ATG4B: variants seen among roughly 807,000 people sequenced by gnomAD.
ATG4B encodes autophagy related 4B cysteine peptidase, also known as cysteine protease ATG4B.
A neutral mutation model predicts 56.6 loss-of-function variants in ATG4B; 29 were observed. That is an observed-to-expected ratio of 0.51 (90% CI 0.38 to 0.70). The LOEUF (loss-of-function observed/expected upper bound fraction) is 0.70. ATG4B is among the 30% of genes least tolerant of loss of function. The pLI is 0.00. For synonymous variants in ATG4B, 224 were observed against 206.1 expected (o/e 1.09, Z -0.74); for missense variants, 461 against 515.5 (o/e 0.89, Z 1.02).
chr2:241,653,196 G>C, intron 3 of ATG4B: 1 of 748,184 alleles, frequency 1.3e-6, no homozygotes, highest in South Asian at 1.5e-5. Context: ...GCGTTGTTTT[G>C]TTTAACTTTG....
chr2:241,656,054 C>G (rs2068392148), intron 6 of ATG4B, among the ~76,000 whole-genome samples: 1 of 152,158 alleles, frequency 6.6e-6, no homozygotes, highest in South Asian at 2.1e-4. Context: ...CCCCACTGGT[C>G]TGAGGGCCAG....
intron 1 of ATG4B, among the ~76,000 whole-genome samples, chr2:241,642,029 G>A (rs1030787033): frequency 8.3e-6 from 1 of 119,934 alleles, no homozygotes. Context: ...CATGTGGTTG[G>A]TAATAAAAAA....
At chr2:241,670,686 A>G (rs777790047) in intron 10 of ATG4B, 40 bp from the exon 11 acceptor site, 3 of 1,573,368 alleles carry the variant, frequency 1.9e-6, no homozygotes, top group South Asian at 1.1e-5. Context: ...CCGACTGCAG[A>G]TGGGGGTGTC....
At chr2:241,639,374 C>G (rs972568551) in intron 1 of ATG4B, among the ~76,000 whole-genome samples, 2 of 152,242 alleles carry the variant, frequency 1.3e-5, no homozygotes, top group Admixed American at 6.5e-5. Flanking sequence ...TCCCATTGCC[C>G]TGCTCCAGGC....
rs2069044630 is a variant in ATG4B at position 241,673,366 on chromosome 2, GTAT to G, written c.*1103_*1105del. 5.5e-6 allele frequency: 2 copies of G among 360,394 alleles called. No individual in the cohort carries two copies. Among genetic ancestry groups the G allele is most frequent in the Non-Finnish European group, 1.1e-5 (2 of 181,334 alleles). 22.3% of individuals were successfully genotyped at this position (360,394 alleles called of 1,614,324 possible). A position where few individuals can be genotyped will look rare whatever the true frequency, so the allele number is the denominator to read the frequency against. ...CTGCTCTGCTGCCTGTCCTGGGAAA[GTAT>G]CTTTGCCCCACTAGGAAATGTAAAC... On this transcript the variant is annotated 3_prime_UTR_variant, in exon 13 of 13. Transcript: ENST00000404914.
rs183658324 is a variant in ATG4B at position 241,672,543 on chromosome 2, G to A, written c.*279G>A. 2.2e-3 allele frequency: 1,035 copies of A among 474,508 alleles called. 6 individuals carry two copies. Among genetic ancestry groups the A allele is most frequent in the Middle Eastern group, 5.9e-3 (10 of 1,688 alleles). The allele number at this position is 474,508 out of a possible 1,614,324, so 29.4% of individuals were successfully genotyped here. ...GTGTTCTCTCGACACTGCCAGCCCC[G>A]TGTTAGCACCTGGGCCTCAGTCCCA... On this transcript the variant is annotated 3_prime_UTR_variant, in exon 13 of 13. Transcript: ENST00000404914.
chr2:241,641,623 C>A (rs762592292), intron 1 of ATG4B, among the ~76,000 whole-genome samples: 1 of 150,680 alleles, frequency 6.6e-6, no homozygotes, highest in Non-Finnish European at 1.5e-5. Flanking sequence ...CTTTCTGTTG[C>A]GAGTTTGGAT....
At chr2:241,660,536 A>G (rs1021539179) in intron 7 of ATG4B, among the ~76,000 whole-genome samples, 2 of 152,206 alleles carry the variant, frequency 1.3e-5, no homozygotes, top group African/African-American at 4.8e-5. Context: ...TGTTTCTTCC[A>G]TCTGCCTTTT....
rs568648319 is a variant in ATG4B at position 241,651,957 on chromosome 2, G to A, written c.184+622G>A. The A allele has an allele frequency of 3.5e-5, 46 of 1,304,086 alleles. No homozygotes were observed. The Admixed American group carries it at 7.6e-4, about 21-fold the overall frequency. The allele number at this position is 1,304,086 out of a possible 1,614,324, so 80.8% of individuals were successfully genotyped here. A position where few individuals can be genotyped will look rare whatever the true frequency, so the allele number is the denominator to read the frequency against. On this transcript the variant is annotated intron_variant, in intron 3 of 12. Transcript: ENST00000404914. The surrounding 1 kb of genome is among the most constrained non-coding windows in gnomAD (Gnocchi z 4.1). ...GTTCTCAGCCTTGCCTCTCACCGGC[G>A]GAGAACTGAGGCCGGAGGTGAGGGC...
intron 6 of ATG4B, among the ~76,000 whole-genome samples, chr2:241,658,715 G>T (rs1454465386): frequency 6.6e-6 from 1 of 152,250 alleles, no homozygotes; most frequent in Non-Finnish European, 1.5e-5. Flanking sequence ...GTTTGGTGGA[G>T]GGGAGAGCAG....
intron 7 of ATG4B, among the ~76,000 whole-genome samples, chr2:241,664,142 ATAAATTTTAAAAT>A (rs1252351977): frequency 6.6e-6 from 1 of 152,136 alleles, no homozygotes; most frequent in African/African-American, 2.4e-5. Flanking sequence ...TATTTTAAAA[ATAAATTTTAAAAT>A]TAAATTTATT....
At chr2:241,653,403 G>A in intron 3 of ATG4B, 109 bp from the exon 4 acceptor site, 6 of 1,551,236 alleles carry the variant, frequency 3.9e-6, no homozygotes, top group Non-Finnish European at 5.2e-6. Context: ...TGATGGAGGA[G>A]GGAGTCGGTG....
At chr2:241,638,501 T>C (rs62193468) in intron 1 of ATG4B, 22,477 of 152,230 alleles carry the variant, frequency 0.15, 1,837 homozygotes, top group Middle Eastern at 0.28. Flanking sequence ...TAGAAATATT[T>C]TTACACAGAA....
intron 1 of ATG4B, among the ~76,000 whole-genome samples, chr2:241,645,295 G>A (rs1176979737): frequency 6.6e-6 from 1 of 152,196 alleles, no homozygotes; most frequent in Non-Finnish European, 1.5e-5. Context: ...TTGGTCCTTG[G>A]AGCCAGCCCG....
chr2:241,652,083 C>A, intron 3 of ATG4B: 1 of 705,914 alleles, frequency 1.4e-6, no homozygotes, highest in Non-Finnish European at 2.1e-6. Flanking sequence ...GTCAAATAGC[C>A]ACAACGGCTG....
intron 1 of ATG4B, among the ~76,000 whole-genome samples, chr2:241,647,952 A>G (rs2068113388): frequency 6.6e-6 from 1 of 152,074 alleles, no homozygotes; most frequent in Admixed American, 6.5e-5. Flanking sequence ...TGTCTCTACT[A>G]AAAATACAAA....
chr2:241,639,371 G>T (rs1371793346), intron 1 of ATG4B, among the ~76,000 whole-genome samples: 2 of 152,202 alleles, frequency 1.3e-5, no homozygotes, highest in South Asian at 2.1e-4. Flanking sequence ...TACTCCCATT[G>T]CCCTGCTCCA....
chr2:241,666,594 G>A (rs775075858), intron 7 of ATG4B, 51 bp from the exon 8 acceptor site: 1 of 1,578,864 alleles, frequency 6.3e-7, no homozygotes, highest in South Asian at 1.1e-5. Context: ...TGTTGTGGGA[G>A]CACTTTTGCA....
chr2:241,648,655 G>A (rs538720115), intron 1 of ATG4B, among the ~76,000 whole-genome samples: 1 of 151,572 alleles, frequency 6.6e-6, no homozygotes, highest in African/African-American at 2.4e-5. Flanking sequence ...GCTGTGGAAA[G>A]CTTGCTTCAT....
Sources: allele counts gnomAD v4.1 joint callset (sites outside exome capture counted in the v4.1 genomes callset), GRCh38; gene constraint gnomAD v4.1.1; non-coding constraint Gnocchi (gnomAD v3.1); transcripts MANE v1.5; gene names NCBI Gene and HGNC (gene_info 2026-07-23, HGNC 2026-07-21).